Variants in CMSS1 observed in about 807,000 individuals in gnomAD.
CMSS1 encodes cms1 ribosomal small subunit homolog.
CMSS1 carries 33 observed loss-of-function variants against 43.5 expected under a neutral mutation model. That is an observed-to-expected ratio of 0.76 (90% CI 0.57 to 1.01). The LOEUF is 1.01. CMSS1 is among the 50% of genes least tolerant of loss of function. The pLI, the probability that CMSS1 is intolerant of heterozygous loss-of-function variation, is 0.00. For synonymous variants in CMSS1, 115 were observed against 117.2 expected (o/e 0.98, Z 0.12); for missense variants, 313 against 326.4 (o/e 0.96, Z 0.32).
At chr3:99,835,032 A>G (rs1942840282) in intron 1 of CMSS1, among the ~76,000 whole-genome samples, 1 of 152,064 alleles carries the variant, frequency 6.6e-6, no homozygotes, top group African/African-American at 2.4e-5. Flanking sequence ...CTTTTTCCTT[A>G]TATCACTTCT....
chr3:100,114,859 C>T (rs1253665480), intron 1 of CMSS1: 3 of 941,794 alleles, frequency 3.2e-6, no homozygotes, highest in Non-Finnish European at 4.8e-6. Context: ...ACACCCATAA[C>T]CCAAGGCACT....
In CMSS1 at chr3:99,817,916, A is replaced by G. The variant is rs1178312275; in HGVS notation, c.-64A>G. ...ACGCCGGCCGCCTGGCTTTGAGACAACGTGATTCTCCGCAGCTGGTCGCCT... is the reference window on the plus strand; with the variant it reads ...ACGCCGGCCGCCTGGCTTTGAGACAGCGTGATTCTCCGCAGCTGGTCGCCT... On this transcript the variant is annotated 5_prime_UTR_variant, in exon 1 of 10. Transcript: ENST00000421999. The G allele has an allele frequency of 1.3e-6, 2 of 1,559,194 alleles. No homozygotes were observed. The highest frequency in any genetic ancestry group is 4.5e-5 in the East Asian group (2 of 44,508).
At chr3:99,878,401 C>T (rs1036694772) in intron 1 of CMSS1, among the ~76,000 whole-genome samples, 1 of 152,162 alleles carries the variant, frequency 6.6e-6, no homozygotes, top group Non-Finnish European at 1.5e-5. Context: ...AAGGTCACAC[C>T]GCTACTAAAG....
intron 6 of CMSS1, among the ~76,000 whole-genome samples, chr3:100,168,128 G>T (rs2107530025): frequency 6.6e-6 from 1 of 152,290 alleles, no homozygotes; most frequent in East Asian, 1.9e-4. Context: ...CTAAGGAGAT[G>T]ACAATTTGAT....
intron 1 of CMSS1, among the ~76,000 whole-genome samples, chr3:100,070,570 A>G (rs1034958958): frequency 6.6e-6 from 1 of 152,196 alleles, no homozygotes; most frequent in Non-Finnish European, 1.5e-5. Flanking sequence ...GATACTGCCC[A>G]TCCCCATCAA....
chr3:100,000,499 AGGGTAAAAAC>A (rs1384931684), intron 1 of CMSS1, among the ~76,000 whole-genome samples: 1 of 152,210 alleles, frequency 6.6e-6, no homozygotes, highest in Non-Finnish European at 1.5e-5. Context: ...GCTGGAAGAA[AGGGTAAAAAC>A]GGGTGAAAAT....
At chr3:100,103,294 A>G (rs1047436183) in intron 1 of CMSS1, among the ~76,000 whole-genome samples, 11 of 152,212 alleles carry the variant, frequency 7.2e-5, no homozygotes, top group Non-Finnish European at 1.3e-4. Flanking sequence ...AGTCAGCCAG[A>G]AACACACATG....
chr3:99,958,656 GAGA>G lies in CMSS1; in HGVS notation c.64+140620_64+140622del, dbSNP rs147039926. ...GGTTTGAATCTTGGTACTCTTGCAG[GAGA>G]AGAAGAGAGCTGGGGGCAGAGCAGG... is the stretch of plus-strand genomic sequence containing the variant. On this transcript the variant is annotated intron_variant, in intron 1 of 9. Transcript: ENST00000421999. Among the ~76,000 whole-genome samples, 687 of 152,260 alleles carry G rather than the reference GAGA, an allele frequency of 4.5e-3. 7 individuals are homozygous for G. The highest frequency in any genetic ancestry group is 0.016 in the African/African-American group (672 of 41,536).
In CMSS1 at chr3:99,930,875, G is replaced by A. The variant is rs369515957; in HGVS notation, c.64+112832G>A. On this transcript the variant is annotated intron_variant, in intron 1 of 9. Transcript: ENST00000421999. Reference sequence around the variant, plus strand: ...GTGTGGCTTCTCTGCCTTGGGACACGGAAGTATTACATCCGACTCACTGGG... The same window carrying A: ...GTGTGGCTTCTCTGCCTTGGGACACAGAAGTATTACATCCGACTCACTGGG... 6.0e-5 allele frequency: 97 copies of A among 1,612,860 alleles called. No homozygotes were observed. In the African/African-American group the frequency reaches 9.2e-4, roughly 15 times the overall value.
At chr3:99,837,477 T>C (rs1318998519) in intron 1 of CMSS1, among the ~76,000 whole-genome samples, 1 of 151,866 alleles carries the variant, frequency 6.6e-6, no homozygotes, top group Non-Finnish European at 1.5e-5. Flanking sequence ...TTGTAAAGGA[T>C]AATAATGCAT....
At chr3:100,074,246 T>A (rs901987551) in intron 1 of CMSS1, among the ~76,000 whole-genome samples, 2 of 152,248 alleles carry the variant, frequency 1.3e-5, no homozygotes, top group African/African-American at 4.8e-5. Flanking sequence ...AGGCACAGAC[T>A]GTGGAGAGCT....
chr3:99,875,608 G>A (rs1281596779), intron 1 of CMSS1, among the ~76,000 whole-genome samples: 2 of 152,140 alleles, frequency 1.3e-5, no homozygotes, highest in Admixed American at 6.5e-5. Context: ...TCCTAACAGT[G>A]TTTTTCTAGT....
chr3:100,072,117 C>T (rs544639834), intron 1 of CMSS1, among the ~76,000 whole-genome samples: 66 of 152,252 alleles, frequency 4.3e-4, no homozygotes, highest in African/African-American at 1.5e-3. Context: ...CCCACTTGAG[C>T]GTTACATGGA....
intron 1 of CMSS1, among the ~76,000 whole-genome samples, chr3:99,869,610 C>T (rs946260581): frequency 2.0e-5 from 3 of 152,132 alleles, no homozygotes; most frequent in African/African-American, 7.2e-5. Context: ...CAGCAAGAAA[C>T]CAGCAACTTT....
intron 1 of CMSS1, among the ~76,000 whole-genome samples, chr3:99,950,959 C>T (rs1708159003): frequency 6.6e-6 from 1 of 152,134 alleles, no homozygotes; most frequent in Non-Finnish European, 1.5e-5. Flanking sequence ...TTGACTCTGC[C>T]CTTGGAATAA....
intron 1 of CMSS1, among the ~76,000 whole-genome samples, chr3:100,062,635 TA>T (rs1409549735): frequency 1.3e-5 from 2 of 152,216 alleles, no homozygotes; most frequent in Non-Finnish European, 2.9e-5. Context: ...GCCTGTCTTT[TA>T]ACATTGATTC....
chr3:99,933,697 G>C (rs1323774274), intron 1 of CMSS1, among the ~76,000 whole-genome samples: 1 of 152,016 alleles, frequency 6.6e-6, no homozygotes, highest in African/African-American at 2.4e-5. Context: ...TTTATTTATA[G>C]GTATGTTCAC....
intron 1 of CMSS1, among the ~76,000 whole-genome samples, chr3:100,107,581 G>A (rs2066415897): frequency 6.6e-6 from 1 of 152,122 alleles, no homozygotes; most frequent in Non-Finnish European, 1.5e-5. Context: ...AGTCTTGTGA[G>A]TATAAATGCT....
At chr3:99,840,383 C>G (rs549364502) in intron 1 of CMSS1, among the ~76,000 whole-genome samples, 1 of 151,928 alleles carries the variant, frequency 6.6e-6, no homozygotes, top group African/African-American at 2.4e-5. Context: ...ACCACCATGC[C>G]CGGCTAATTT....
Sources: gnomAD v4.1 joint callset for allele counts (sites outside exome capture counted in the v4.1 genomes callset) on GRCh38, gnomAD v4.1.1 for gene constraint, MANE v1.5 for transcripts, NCBI Gene and HGNC (gene_info 2026-07-23, HGNC 2026-07-21) for gene names.